Variants in GARS1 observed in about 807,000 individuals in gnomAD.
The protein encoded by GARS1 is glycine--tRNA ligase.
GARS1 carries 46 observed loss-of-function variants against 86.4 expected under a neutral mutation model. The ratio of observed to expected loss-of-function variants is 0.53; its 90% CI spans 0.42 to 0.68. The LOEUF (loss-of-function observed/expected upper bound fraction) is 0.68, where lower values mean the gene tolerates loss of function less well. Ranked by LOEUF, GARS1 falls within the 30% of genes least tolerant of loss-of-function variation. The pLI is 0.00. For missense variants in GARS1, 797 were observed against 915.6 expected (o/e 0.87, Z 1.67); for synonymous variants, 342 against 329.8 (o/e 1.04, Z -0.40).
At position 30,611,389 on chromosome 7, in the gene GARS1, A is replaced by G. The variant is rs539122727; in HGVS notation, c.882-707A>G. Among the ~76,000 whole-genome samples, 4 of 152,300 alleles carry G rather than the reference A, an allele frequency of 2.6e-5. No individual in the cohort carries two copies. The East Asian group carries it at 7.7e-4, about 29-fold the overall frequency. ...AGGGCTAAACATAGGCATGGGTATT[A>G]TTTTCCAAAGGACCTAAGATTGTCA... is the stretch of plus-strand genomic sequence containing the variant. On this transcript the variant is annotated intron_variant, in intron 7 of 16. Transcript: ENST00000389266.
chr7:30,632,202 A>G lies in GARS1; in HGVS notation c.1904-45A>G. On this transcript the variant is annotated intron_variant, in intron 15 of 16. Coordinates refer to ENST00000389266, the MANE Select transcript of GARS1 (RefSeq NM_002047.4). The surrounding 1 kb of genome is among the most constrained non-coding windows in gnomAD (Gnocchi z 4.1). ...ACAGTAGTTAGATAACACTGGGCTT[A>G]ACTCCATTGTTTTATTTTTAATTTA... The G allele has an allele frequency of 1.3e-6, 2 of 1,587,186 alleles. No individual in the cohort carries two copies. The highest frequency in any genetic ancestry group is 1.7e-6 in the Non-Finnish European group (2 of 1,158,862).
rs1241301935 is a variant in GARS1, at chr7:30,617,146, C to A, written c.1227C>A (p.Phe409Leu). The stretch of plus-strand genomic sequence containing the variant: ...TTAATAACACAGTATTAGGCTATTT[C>A]ATTGGCCGCATCTACCTCTACCTCA... ...GVINNTVLGY[F>L]IGRIYLYLTK... Residue 409 changes from phenylalanine to leucine, a missense_variant, in exon 10 of 17, where the codon TTC becomes TTA. Physicochemically the swap from Phe to Leu is conservative, Grantham distance 22. Coordinates refer to ENST00000389266, the MANE Select transcript of GARS1 (RefSeq NM_002047.4). 2 of 1,614,100 alleles carry A rather than the reference C, an allele frequency of 1.2e-6. No individual in the cohort carries two copies. Among genetic ancestry groups the A allele is most frequent in the East Asian group, 4.5e-5 (2 of 44,880 alleles).
chr7:30,609,576 G>C lies in GARS1; in HGVS notation c.736-9G>C, dbSNP rs773490381. ...GTCTTTTACACTAATTTCTTTATAT[G>C]TCTTTTAGCTTGATAACTATGGACA... On this transcript the variant is annotated splice_polypyrimidine_tract_variant and intron_variant, in intron 6 of 16. Transcript: ENST00000389266. 1 of 1,610,486 alleles carries C rather than the reference G, an allele frequency of 6.2e-7. No individual in the cohort carries two copies. The highest frequency in any genetic ancestry group is 2.2e-5 in the East Asian group (1 of 44,748).
intron 6 of GARS1, among the ~76,000 whole-genome samples, chr7:30,606,382 C>T (rs1201399378): frequency 1.3e-5 from 2 of 148,484 alleles, no homozygotes; most frequent in African/African-American, 5.0e-5. Flanking sequence ...AACTGAGACA[C>T]GATTTGTAAA....
intron 8 of GARS1, among the ~76,000 whole-genome samples, chr7:30,614,606 T>A (rs1782847544): frequency 6.6e-6 from 1 of 152,222 alleles, no homozygotes; most frequent in Non-Finnish European, 1.5e-5. Context: ...CCGGGCGCAG[T>A]GGCTCACGCC....
At position 30,617,186 on chromosome 7, in the gene GARS1, T is replaced by G. The variant is rs571142002; in HGVS notation, c.1267T>G (p.Ser423Ala). Residue 423 changes from serine (S) to alanine (A), a missense_variant, in exon 10 of 17, where the codon TCT (serine) becomes GCT (alanine). Ser to Ala is a moderately conservative substitution (Grantham distance 99). Coordinates refer to ENST00000389266, the MANE Select transcript of GARS1 (RefSeq NM_002047.4). ...CCTCTACCTCACGAAGGTTGGAATATCTCCAGATAAACTCCGCTTCCGGCA... is the reference window on the plus strand; with the variant it reads ...CCTCTACCTCACGAAGGTTGGAATAGCTCCAGATAAACTCCGCTTCCGGCA... Reference protein sequence around the residue: ...IYLYLTKVGISPDKLRFRQHM... With the variant: ...IYLYLTKVGIAPDKLRFRQHM... 3.7e-6 allele frequency: 6 copies of G among 1,614,072 alleles called. No individual in the cohort carries two copies. The highest frequency in any genetic ancestry group is 1.3e-5 in the African/African-American group (1 of 75,040).
chr7:30,615,783 A>G (rs1330012071), intron 8 of GARS1, 113 bp from the exon 9 acceptor site: 6 of 1,193,046 alleles, frequency 5.0e-6, no homozygotes, highest in South Asian at 1.5e-5. Context: ...AAAGACCACT[A>G]TAGTATGGAG....
Position 30,599,407 on chromosome 7 carries a change from CTTG to C in GARS1, c.324+513_324+515del, listed in dbSNP as rs141910133. On this transcript the variant is annotated intron_variant, in intron 2 of 16. Transcript: ENST00000389266. ...GTATCTACATCAAAGTAAACTTAGT[CTTG>C]TTTTTTTTTTGAGATGGAGTCTCGC... Among the ~76,000 whole-genome samples the C allele has an allele frequency of 6.2e-3, 936 of 152,036 alleles. 12 individuals carry two copies. Among genetic ancestry groups the C allele is most frequent in the African/African-American group, 0.021 (886 of 41,472 alleles).
chr7:30,607,545 C>CGGGGGGT (rs1554337797), intron 6 of GARS1, among the ~76,000 whole-genome samples: 1 of 13,352 alleles, frequency 7.5e-5, no homozygotes, highest in African/African-American at 3.3e-4. Context: ...CTGGGCCTGT[C>CGGGGGGT]GGGGGGTGGG....
At chr7:30,598,104 AT>A (rs539224096) in intron 1 of GARS1, among the ~76,000 whole-genome samples, 73 of 151,524 alleles carry the variant, frequency 4.8e-4, no homozygotes, top group African/African-American at 1.5e-3. Context: ...TAATGTTTTT[AT>A]TTTTTTTTGT....
At chr7:30,605,242 C>T (rs942109844) in intron 6 of GARS1, among the ~76,000 whole-genome samples, 1 of 152,228 alleles carries the variant, frequency 6.6e-6, no homozygotes, top group Non-Finnish European at 1.5e-5. Flanking sequence ...CCTGATTCAC[C>T]TTCTGTGGTA....
chr7:30,599,651 C>CT (rs1791333577), intron 2 of GARS1, among the ~76,000 whole-genome samples: 1 of 152,230 alleles, frequency 6.6e-6, no homozygotes, highest in Admixed American at 6.5e-5. Flanking sequence ...GATCCACCCA[C>CT]TTCGGCCTCC....
chr7:30,631,242 T>TA (rs1783229722), intron 14 of GARS1: 1 of 467,110 alleles, frequency 2.1e-6, no homozygotes, highest in Non-Finnish European at 3.9e-6. Flanking sequence ...TGACTTGGCC[T>TA]AAATTCGGAG....
intron 8 of GARS1, among the ~76,000 whole-genome samples, chr7:30,614,449 G>A (rs1782843691): frequency 6.6e-6 from 1 of 152,164 alleles, no homozygotes; most frequent in Non-Finnish European, 1.5e-5. Flanking sequence ...TAAGCTATGT[G>A]AGGACAAACA....
chr7:30,622,474 G>A lies in GARS1; in HGVS notation c.1613+12G>A, dbSNP rs1783033725. The A allele has an allele frequency of 6.2e-7, 1 of 1,613,972 alleles. No homozygotes were observed. Among genetic ancestry groups the A allele is most frequent in the South Asian group, 1.1e-5 (1 of 91,070 alleles). On this transcript the variant is annotated intron_variant, in intron 12 of 16. Transcript: ENST00000389266. ...CTGAATGAGAAAGGGTAAGATATCAGATGTTTACTCTTCCATGGGCTCCAG... is the reference window on the plus strand; with the variant it reads ...CTGAATGAGAAAGGGTAAGATATCAAATGTTTACTCTTCCATGGGCTCCAG...
chr7:30,621,568 A>C, intron 11 of GARS1, 68 bp downstream of exon 11: 1 of 1,088,850 alleles, frequency 9.2e-7, no homozygotes, highest in Non-Finnish European at 1.4e-6. Context: ...AATAAGTCCA[A>C]GTCTTTACCT....
At chr7:30,602,329 G>T (rs191321854) in intron 4 of GARS1, among the ~76,000 whole-genome samples, 13 of 152,088 alleles carry the variant, frequency 8.5e-5, no homozygotes, top group Admixed American at 7.2e-4. Context: ...CGCCTGCCTC[G>T]GCCTCCCAAA....
intron 11 of GARS1, chr7:30,622,025 A>T (rs1482801038): frequency 2.3e-6 from 1 of 432,252 alleles, no homozygotes; most frequent in African/African-American, 2.0e-5. Flanking sequence ...CATTTTAGAA[A>T]TACTTATCAG....
intron 7 of GARS1, 55 bp downstream of exon 7, chr7:30,609,785 AT>A: frequency 6.4e-7 from 1 of 1,559,968 alleles, no homozygotes; most frequent in Non-Finnish European, 8.8e-7. Flanking sequence ...AAAATTGCTT[AT>A]ATTAAAAGGT....
Sources: gnomAD v4.1 joint callset for allele counts (sites outside exome capture counted in the v4.1 genomes callset) on GRCh38, gnomAD v4.1.1 for gene constraint, Gnocchi (gnomAD v3.1) non-coding constraint, MANE v1.5 for transcripts, NCBI Gene and HGNC (gene_info 2026-07-23, HGNC 2026-07-21) for gene names.